Variants in SEPTIN9 observed in about 807,000 individuals in gnomAD.
The protein encoded by SEPTIN9 is septin-9.
Under a neutral mutation model 56.6 loss-of-function variants are expected in SEPTIN9, and 13 were observed. The ratio of observed to expected loss-of-function variants is 0.23; its 90% confidence interval spans 0.15 to 0.37. The LOEUF (loss-of-function observed/expected upper bound fraction) is 0.37, where lower values mean the gene tolerates loss of function less well. Ranked by LOEUF, SEPTIN9 falls within the 10% of genes least tolerant of loss-of-function variation. The probability of loss-of-function intolerance (pLI) is 1.00; values close to 1 mark genes in which losing one functional copy is unlikely to be tolerated. For missense variants in SEPTIN9, 650 were observed against 823.1 expected, an observed-to-expected ratio of 0.79 and a Z score of 2.57; for synonymous variants, 332 against 334.1, an observed-to-expected ratio of 0.99 and a Z score of 0.07.
rs1361858195 is a variant in SEPTIN9 at position 77,482,348 on chromosome 17, C to T, written c.913+13C>T. On this transcript the variant is annotated intron_variant, in intron 4 of 11. Transcript: ENST00000427177. ...ATCATGGTGGTCGGTGAGTCCTCAC[C>T]TTGCATGCCACTCAACCAATGCCGG... 2.5e-6 allele frequency: 4 copies of T among 1,609,880 alleles called. No homozygotes were observed. The highest frequency in any genetic ancestry group is 3.3e-5 in the Admixed American group (2 of 59,992).
chr17:77,433,299 C>T lies in SEPTIN9; in HGVS notation c.721+30596C>T, dbSNP rs2037215189. Among the ~76,000 whole-genome samples the T allele has an allele frequency of 6.6e-6, 1 of 152,142 alleles. No individual in the cohort carries two copies. Among genetic ancestry groups the T allele is most frequent in the Non-Finnish European group, 1.5e-5 (1 of 68,026 alleles). ...AGCCTAGGGAGCCCCTCCATGCAGC[C>T]CCTTCACTGGCCATTGCCTGAGACC... is the stretch of plus-strand genomic sequence containing the variant. On this transcript the variant is annotated intron_variant, in intron 3 of 11. Transcript: ENST00000427177. The surrounding 1 kb of genome is among the most constrained non-coding windows in gnomAD (Gnocchi z 6.4).
At chr17:77,441,049 G>A (rs2037530029) in intron 3 of SEPTIN9, among the ~76,000 whole-genome samples, 1 of 152,210 alleles carries the variant, frequency 6.6e-6, no homozygotes, top group Non-Finnish European at 1.5e-5. Context: ...ACAAACAGAT[G>A]GAGGGGCTAT....
At chr17:77,480,881 G>T (rs1334510797) in intron 3 of SEPTIN9, among the ~76,000 whole-genome samples, 2 of 152,198 alleles carry the variant, frequency 1.3e-5, no homozygotes, top group African/African-American at 4.8e-5. Context: ...GGCCCAAGCA[G>T]GGACGGGGGC....
At position 77,445,364 on chromosome 17, in the gene SEPTIN9, A is replaced by G. The variant is rs771372521; in HGVS notation, c.722-36780A>G. The G allele has an allele frequency of 4.3e-6, 2 of 465,328 alleles. No homozygotes were observed. The highest frequency in any genetic ancestry group is 8.8e-6 in the Non-Finnish European group (2 of 227,038). The allele number at this position is 465,328 out of a possible 1,614,324, so 28.8% of individuals were successfully genotyped here. A position where few individuals can be genotyped will look rare whatever the true frequency, so the allele number is the denominator to read the frequency against. ...TTGCTCTTGGCATTTGATGGGAAGC[A>G]TCTGCTGCATCCCATTGGGGTGTTG... On this transcript the variant is annotated intron_variant, in intron 3 of 11. Coordinates refer to ENST00000427177, the MANE Select transcript of SEPTIN9 (RefSeq NM_001113491.2). This position sits in a 1 kb window ranked among gnomAD's most constrained non-coding sequence, Gnocchi z 4.7.
intron 6 of SEPTIN9, 125 bp from the exon 7 acceptor site, chr17:77,488,602 C>A: frequency 7.2e-7 from 1 of 1,379,470 alleles, no homozygotes; most frequent in Non-Finnish European, 1.0e-6. Flanking sequence ...GCTCAGCAAG[C>A]CAGACCTCCC....
chr17:77,317,486 C>A lies in SEPTIN9; in HGVS notation c.76+10289C>A, dbSNP rs540599463. ...ATAGGAGAGTGAACCGTATTGTGAA[C>A]GGCACATGTGAGGGATCTAGGTTGC... On this transcript the variant is annotated intron_variant, in intron 2 of 11. Transcript: ENST00000427177. The surrounding 1 kb of genome is among the most constrained non-coding windows in gnomAD (Gnocchi z 4.2). 1.3e-5 allele frequency among the ~76,000 whole-genome samples: 2 copies of A among 152,124 alleles called. No homozygotes were observed. Among genetic ancestry groups the A allele is most frequent in the Non-Finnish European group, 2.9e-5 (2 of 68,034 alleles).
At chr17:77,352,854 G>A (rs923337025) in intron 2 of SEPTIN9, among the ~76,000 whole-genome samples, 1 of 151,994 alleles carries the variant, frequency 6.6e-6, no homozygotes, top group Admixed American at 6.6e-5. Context: ...TTGTAGAGAC[G>A]AGGGCCCAGG....
chr17:77,368,877 T>C (rs373571966), intron 2 of SEPTIN9, among the ~76,000 whole-genome samples: 12 of 152,350 alleles, frequency 7.9e-5, no homozygotes, highest in East Asian at 5.8e-4. Flanking sequence ...ATTTGTATGA[T>C]AGAAACACTA....
intron 2 of SEPTIN9, among the ~76,000 whole-genome samples, chr17:77,336,617 T>C (rs2898645): frequency 0.41 from 62,995 of 152,060 alleles, 14,221 homozygotes; most frequent in East Asian, 0.78. Context: ...CCTATGATCT[T>C]TTCCAAAGTC....
intron 3 of SEPTIN9, among the ~76,000 whole-genome samples, chr17:77,407,824 G>C (rs2036145848): frequency 6.6e-6 from 1 of 152,218 alleles, no homozygotes. Context: ...GTCCTCTCAG[G>C]CTCTGGGTGG....
chr17:77,296,096 C>CT (rs1167357995), intron 1 of SEPTIN9, among the ~76,000 whole-genome samples: 2 of 87,680 alleles, frequency 2.3e-5, no homozygotes, highest in Admixed American at 3.0e-4. Flanking sequence ...TCCCCCCTCA[C>CT]TTGTAAACAG....
intron 3 of SEPTIN9, among the ~76,000 whole-genome samples, chr17:77,440,175 G>T (rs1190640380): frequency 6.6e-6 from 1 of 152,022 alleles, no homozygotes; most frequent in Non-Finnish European, 1.5e-5. Flanking sequence ...TTTTATTTGA[G>T]ATGGAGTCTC....
intron 1 of SEPTIN9, among the ~76,000 whole-genome samples, chr17:77,288,604 C>T (rs1005485192): frequency 6.6e-6 from 1 of 152,248 alleles, no homozygotes; most frequent in Non-Finnish European, 1.5e-5. Context: ...GTTTCCATCC[C>T]AAATCAGATC....
In SEPTIN9 at chr17:77,434,720, G is replaced by T. The variant is rs1052468260; in HGVS notation, c.721+32017G>T. 2.0e-4 allele frequency among the ~76,000 whole-genome samples: 30 copies of T among 152,350 alleles called. No homozygotes were observed. The highest frequency in any genetic ancestry group is 6.3e-4 in the African/African-American group (26 of 41,578). The stretch of plus-strand genomic sequence containing the variant: ...TTGCACGTGAAGCAAAGGCCTGTTT[G>T]AAGGAGCGTGTGGAAGCCTGGGTGT... On this transcript the variant is annotated intron_variant, in intron 3 of 11. Transcript: ENST00000427177. The surrounding 1 kb of genome is among the most constrained non-coding windows in gnomAD (Gnocchi z 5.0).
rs764722321 is a variant in SEPTIN9 at position 77,402,350 on chromosome 17, G to A, written c.368G>A (p.Gly123Glu). ...TCGTCCAAGCAGGTGGAGAACGCCG[G>A]GGCCATCGGCCCGTCCCGGTTCGGG... Reference protein sequence around the residue: ...DISSKQVENAGAIGPSRFGLK... With the variant: ...DISSKQVENAEAIGPSRFGLK... Residue 123 changes from glycine (G) to glutamate (E), a missense_variant, in exon 3 of 12, where the codon GGG becomes GAG. This residue lies in a region of SEPTIN9 where 317 missense variants were observed against 329.1 expected (regional missense o/e 0.96). Coordinates refer to ENST00000427177, the MANE Select transcript of SEPTIN9 (RefSeq NM_001113491.2). This position sits in a 1 kb window ranked among gnomAD's most constrained non-coding sequence, Gnocchi z 6.6. 5.0e-6 allele frequency: 8 copies of A among 1,612,492 alleles called. No homozygotes were observed. In the Admixed American group the frequency reaches 1.2e-4, roughly 24 times the overall value.
chr17:77,485,645 A>T (rs193114232), intron 4 of SEPTIN9, among the ~76,000 whole-genome samples: 2 of 151,970 alleles, frequency 1.3e-5, no homozygotes, highest in African/African-American at 4.8e-5. Context: ...TGGAACATTG[A>T]CATAACTCCT....
At chr17:77,485,867 G>T (rs754803751) in intron 4 of SEPTIN9, among the ~76,000 whole-genome samples, 1 of 152,106 alleles carries the variant, frequency 6.6e-6, no homozygotes, top group Admixed American at 6.6e-5. Flanking sequence ...TTGAGACAGG[G>T]TCTCATTGTT....
rs568138801 is a variant in SEPTIN9 at position 77,314,704 on chromosome 17, C to T, written c.76+7507C>T. Among the ~76,000 whole-genome samples the T allele has an allele frequency of 1.5e-4, 23 of 152,298 alleles. 1 individual carries two copies. The South Asian group carries it at 3.5e-3, about 23-fold the overall frequency. On this transcript the variant is annotated intron_variant, in intron 2 of 11. Transcript: ENST00000427177. The stretch of plus-strand genomic sequence containing the variant: ...GTGTACTCCTGGAGCAAGGTGGGGC[C>T]GATCCTACGAAGACCCTTTCCCGAA...
At position 77,327,574 on chromosome 17, in the gene SEPTIN9, C is replaced by T. The variant is rs759625971; in HGVS notation, c.76+20377C>T. 1.3e-5 allele frequency among the ~76,000 whole-genome samples: 2 copies of T among 152,002 alleles called. No individual in the cohort carries two copies. The highest frequency in any genetic ancestry group is 2.4e-5 in the African/African-American group (1 of 41,386). On this transcript the variant is annotated intron_variant, in intron 2 of 11. Coordinates refer to ENST00000427177, the MANE Select transcript of SEPTIN9 (RefSeq NM_001113491.2). The surrounding 1 kb of genome is among the most constrained non-coding windows in gnomAD (Gnocchi z 5.0). ...GTGGGGGCTGGGTATGGGAGGGGAT[C>T]GTGGGTGGGGAGATTCCTCTTAACC...
Sources: gnomAD v4.1 joint callset for allele counts (sites outside exome capture counted in the v4.1 genomes callset) on GRCh38, gnomAD v4.1.1 for gene constraint, gnomAD v4.1.1 regional missense constraint, Gnocchi (gnomAD v3.1) non-coding constraint, MANE v1.5 for transcripts, NCBI Gene and HGNC (gene_info 2026-07-23, HGNC 2026-07-21) for gene names.